Variants in CACNA1H observed in about 807,000 individuals in gnomAD.
The protein encoded by CACNA1H is calcium voltage-gated channel subunit alpha1 H.
Under a neutral mutation model 192.5 loss-of-function variants are expected in CACNA1H, and 149 were observed. The ratio of observed to expected loss-of-function variants is 0.77; its 90% CI spans 0.68 to 0.89. CACNA1H has a LOEUF of 0.89. Among genes scored for constraint, CACNA1H ranks in the 40% least tolerant of loss-of-function variants. CACNA1H has a pLI of 0.00. For missense variants in CACNA1H, 4,257 were observed against 3,423.5 expected (o/e 1.24, Z -6.08); for synonymous variants, 2,202 against 1,475.2 (o/e 1.49, Z -11.29).
At chr16:1,195,169 A>G (rs1170708491) in intron 3 of CACNA1H, 86 bp downstream of exon 3, 12 of 630,066 alleles carry the variant, frequency 1.9e-5, no homozygotes, top group Admixed American at 3.0e-5. Context: ...GGGCGGGGCA[A>G]GGTTCAAGGT....
chr16:1,212,014 C>T lies in CACNA1H; in HGVS notation c.4635C>T (p.Phe1545=), dbSNP rs58110336. 1.5e-3 allele frequency: 2,452 copies of T among 1,613,552 alleles called. 33 individuals are homozygous for T. In the African/African-American group the frequency reaches 0.029, roughly 19 times the overall value. Residue 1545 remains phenylalanine (F), a synonymous_variant, in exon 25 of 35, where the codon TTC becomes TTT. Coordinates refer to ENST00000348261, the MANE Select transcript of CACNA1H (RefSeq NM_021098.3). ...CCTTCCTGCTCATCGTCAGCTTCTT[C>T]GTGCTCAACATGTTCGTGGGCGTCG... is the stretch of plus-strand genomic sequence containing the variant. ...FISFLLIVSF[F]VLNMFVGVVV... is the part of the protein sequence containing the mutation.
chr16:1,195,993 C>T lies in CACNA1H; in HGVS notation c.613C>T (p.Arg205Trp), dbSNP rs764822234. The T allele has an allele frequency of 1.2e-6, 2 of 1,612,916 alleles. No homozygotes were observed. Among genetic ancestry groups the T allele is most frequent in the Non-Finnish European group, 1.7e-6 (2 of 1,179,728 alleles). The change falls in exon 5 of 35, where the codon CGG becomes TGG. Residue 205 changes from arginine to tryptophan, a missense_variant. Coordinates refer to ENST00000348261, the MANE Select transcript of CACNA1H (RefSeq NM_021098.3). ...GGCTATCAGGACCGTGCGGGTGCTG[C>T]GGCCCCTCCGCGCCATCAACCGCGT... ...LSAIRTVRVL[R>W]PLRAINRVPS... is the part of the protein sequence containing the mutation.
At chr16:1,156,937 T>C (rs1029644125) in intron 2 of CACNA1H, 5 of 152,212 alleles carry the variant, frequency 3.3e-5, no homozygotes, top group African/African-American at 9.6e-5. Context: ...TTATCCTTAT[T>C]GATTGGTTTC....
At chr16:1,216,410 G>A (rs1419629922) in intron 30 of CACNA1H, among the ~76,000 whole-genome samples, 1 of 152,218 alleles carries the variant, frequency 6.6e-6, no homozygotes, top group Non-Finnish European at 1.5e-5. Flanking sequence ...GCCCAGCGGG[G>A]CAGTGTGTGC....
At chr16:1,166,071 T>A (rs958036988) in intron 2 of CACNA1H, among the ~76,000 whole-genome samples, 1 of 152,226 alleles carries the variant, frequency 6.6e-6, no homozygotes, top group African/African-American at 2.4e-5. Flanking sequence ...ATTGGGTGAC[T>A]CTGAGAGCTG....
At chr16:1,156,128 C>A (rs1962341187) in intron 2 of CACNA1H, among the ~76,000 whole-genome samples, 1 of 152,186 alleles carries the variant, frequency 6.6e-6, no homozygotes, top group Non-Finnish European at 1.5e-5. Context: ...CTGGGTCTGC[C>A]TGCGGCACGG....
At chr16:1,183,805 A>G (rs938017523) in intron 2 of CACNA1H, among the ~76,000 whole-genome samples, 5 of 152,244 alleles carry the variant, frequency 3.3e-5, no homozygotes, top group Non-Finnish European at 7.3e-5. Context: ...TTGCTCCCCC[A>G]GTGGGGTCTG....
chr16:1,195,656 G>A, intron 4 of CACNA1H, 91 bp downstream of exon 4: 1 of 1,428,680 alleles, frequency 7.0e-7, no homozygotes, highest in Non-Finnish European at 9.5e-7. Context: ...AAGAAAAATG[G>A]GAGGTGTGTT....
chr16:1,170,740 C>T (rs151199219), intron 2 of CACNA1H, among the ~76,000 whole-genome samples: 6 of 152,278 alleles, frequency 3.9e-5, no homozygotes, highest in East Asian at 1.9e-4. Context: ...GCCCCCCCAC[C>T]GCCGTGTGCA....
rs1252132295 is a variant in CACNA1H, at chr16:1,205,262, T to C, written c.2600T>C (p.Ile867Thr). The C allele has an allele frequency of 1.2e-6, 2 of 1,604,516 alleles. No homozygotes were observed. The highest frequency in any genetic ancestry group is 1.1e-5 in the South Asian group (1 of 90,738). Residue 867 changes from isoleucine to threonine, a missense_variant, in exon 11 of 35, where the codon ATC becomes ACC. Ile to Thr is a moderately conservative substitution (Grantham distance 89). Transcript: ENST00000348261. ...ATCTTCGACGGCATCATCGTGGTCA[T>C]CAGGTGGGTCCCCACCCTCTCCCCA... is the stretch of plus-strand genomic sequence containing the variant. ...YNIFDGIIVV[I>T]SVWEIVGQAD...
intron 9 of CACNA1H, 103 bp from the exon 10 acceptor site, chr16:1,203,907 G>C (rs4984768): frequency 1.5e-4 from 117 of 794,722 alleles, no homozygotes; most frequent in East Asian, 6.8e-4. Context: ...GGATCTTTCT[G>C]GGGGGGACAC....
rs532223684 is a variant in CACNA1H, at chr16:1,201,967, G to A, written c.1517G>A (p.Arg506Gln). The A allele has an allele frequency of 1.5e-4, 233 of 1,544,256 alleles. No homozygotes were observed. The highest frequency in any genetic ancestry group is 6.9e-4 in the Admixed American group (35 of 50,892). The change falls in exon 9 of 35, where the codon CGG becomes CAG. Residue 506 changes from arginine (R) to glutamine (Q), a missense_variant. Arg to Gln is a conservative substitution (Grantham distance 43, BLOSUM62 1). Transcript: ENST00000348261. ...CAGGGTCCCGGGCACCGCCAGCGCC[G>A]GGCAGGCAGGCACACAGCCTCGGTG... Reference protein sequence around the residue: ...QGQGPGHRQRRAGRHTASVHH... With the variant: ...QGQGPGHRQRQAGRHTASVHH...
chr16:1,201,210 C>A (rs181284821), intron 8 of CACNA1H, among the ~76,000 whole-genome samples: 12 of 152,290 alleles, frequency 7.9e-5, no homozygotes, highest in Non-Finnish European at 1.2e-4. Flanking sequence ...CCTAGAGCCA[C>A]CCTGCGGGGA....
chr16:1,188,227 G>T (rs1276535092), intron 2 of CACNA1H, among the ~76,000 whole-genome samples: 1 of 152,190 alleles, frequency 6.6e-6, no homozygotes, highest in Non-Finnish European at 1.5e-5. Flanking sequence ...GCGGTCCTGG[G>T]AGCTGATGTT....
chr16:1,215,058 G>A lies in CACNA1H; in HGVS notation c.5016G>A (p.Gly1672=). The A allele has an allele frequency of 6.2e-7, 1 of 1,612,608 alleles. No homozygotes were observed. Among genetic ancestry groups the A allele is most frequent in the Non-Finnish European group, 8.5e-7 (1 of 1,179,348 alleles). ...FEAALKLVAF[G]FRRFFKDRWN... is the part of the protein sequence containing the mutation. ...CTGCACTGAAGCTGGTAGCATTTGG[G>A]TTCCGTCGGTTCTTCAAGGACAGGT... is the stretch of plus-strand genomic sequence containing the variant. The change falls in exon 28 of 35, where the codon GGG becomes GGA. Residue 1672 remains glycine, a synonymous_variant. Transcript: ENST00000348261.
chr16:1,204,554 A>T, intron 10 of CACNA1H, 96 bp downstream of exon 10: 1 of 964,216 alleles, frequency 1.0e-6, no homozygotes, highest in Non-Finnish European at 1.5e-6. Context: ...GCCTGACCTG[A>T]TGGTAGGACG....
At chr16:1,195,288 G>T in intron 3 of CACNA1H, 144 bp from the exon 4 acceptor site, 2 of 1,066,420 alleles carry the variant, frequency 1.9e-6, no homozygotes, top group Non-Finnish European at 2.6e-6. Context: ...GCGAGGCAGG[G>T]CTCAGTTCCT....
intron 2 of CACNA1H, among the ~76,000 whole-genome samples, chr16:1,189,513 G>A (rs754526450): frequency 6.7e-5 from 10 of 148,978 alleles, no homozygotes; most frequent in Non-Finnish European, 1.3e-4. Flanking sequence ...ACCTCCTGGG[G>A]TCAAGCGATC....
At chr16:1,199,577 C>T (rs981757245) in intron 6 of CACNA1H, among the ~76,000 whole-genome samples, 5 of 151,116 alleles carry the variant, frequency 3.3e-5, no homozygotes, top group Admixed American at 6.6e-5. Context: ...CCTCCCCACA[C>T]CCCAGAGTCC....
Sources: gnomAD v4.1 joint callset for allele counts (sites outside exome capture counted in the v4.1 genomes callset) on GRCh38, gnomAD v4.1.1 for gene constraint, MANE v1.5 for transcripts, NCBI Gene and HGNC (gene_info 2026-07-23, HGNC 2026-07-21) for gene names.